Variants in APBA2 observed in about 807,000 individuals in gnomAD.
APBA2 encodes amyloid beta precursor protein binding family A member 2.
A neutral mutation model predicts 75.0 loss-of-function variants in APBA2; 30 were observed. That is an observed-to-expected ratio of 0.40 (90% CI 0.30 to 0.54). The LOEUF (loss-of-function observed/expected upper bound fraction) is 0.54. Among genes scored for constraint, APBA2 ranks in the 20% least tolerant of loss-of-function variants. APBA2 has a pLI of 0.49. For synonymous variants in APBA2, 444 were observed against 409.6 expected (o/e 1.08, Z -1.01); for missense variants, 801 against 1,016.1 (o/e 0.79, Z 2.88).
chr15:28,985,423 G>A (rs1482069682), intron 2 of APBA2, among the ~76,000 whole-genome samples: 1 of 152,208 alleles, frequency 6.6e-6, no homozygotes, highest in Non-Finnish European at 1.5e-5. Context: ...CGAGGTCAGA[G>A]AGCACTGAAA....
At chr15:29,033,964 CAAA>C (rs34808408) in intron 3 of APBA2, among the ~76,000 whole-genome samples, 5 of 39,554 alleles carry the variant, frequency 1.3e-4, no homozygotes, top group Admixed American at 3.1e-4. Flanking sequence ...GACTCCATCT[CAAA>C]AAAAAAAAAA....
At chr15:29,105,874 G>GA (rs1567020173) in intron 11 of APBA2, among the ~76,000 whole-genome samples, 1 of 152,182 alleles carries the variant, frequency 6.6e-6, no homozygotes, top group Non-Finnish European at 1.5e-5. Context: ...TCTCTAAAGG[G>GA]AGCCTGGGGG....
intron 2 of APBA2, among the ~76,000 whole-genome samples, chr15:28,929,115 A>G (rs988147273): frequency 7.2e-5 from 11 of 152,110 alleles, no homozygotes; most frequent in African/African-American, 2.4e-4. Context: ...TTGGAGCGGA[A>G]ACTCCAATCC....
At chr15:29,110,828 C>G (rs2044688044) in intron 13 of APBA2, among the ~76,000 whole-genome samples, 1 of 152,188 alleles carries the variant, frequency 6.6e-6, no homozygotes, top group South Asian at 2.1e-4. Flanking sequence ...GGGTTCTGTG[C>G]CTTTCTTCCC....
At chr15:29,080,393 A>T (rs568972723) in intron 6 of APBA2, among the ~76,000 whole-genome samples, 1 of 152,220 alleles carries the variant, frequency 6.6e-6, no homozygotes, top group South Asian at 2.1e-4. Flanking sequence ...GGTGCCAGAG[A>T]GTTCAGTGGA....
chr15:28,945,232 G>A (rs980869881), intron 2 of APBA2, among the ~76,000 whole-genome samples: 1 of 152,096 alleles, frequency 6.6e-6, no homozygotes, highest in South Asian at 2.1e-4. Flanking sequence ...GTATTCAGCC[G>A]ACCATTAAAA....
intron 3 of APBA2, among the ~76,000 whole-genome samples, chr15:29,007,860 C>A (rs1187535588): frequency 6.6e-6 from 1 of 152,038 alleles, no homozygotes; most frequent in Non-Finnish European, 1.5e-5. Context: ...GGAATCTAGG[C>A]GTGGTTTCAC....
At chr15:29,060,414 G>T (rs1047663708) in intron 4 of APBA2, among the ~76,000 whole-genome samples, 6 of 152,188 alleles carry the variant, frequency 3.9e-5, no homozygotes, top group Non-Finnish European at 7.3e-5. Flanking sequence ...GCATAACACA[G>T]CCCTTGAAGA....
intron 3 of APBA2, among the ~76,000 whole-genome samples, chr15:29,023,245 T>C (rs2040040149): frequency 6.6e-6 from 1 of 152,158 alleles, no homozygotes; most frequent in African/African-American, 2.4e-5. Flanking sequence ...GTGACAGTGA[T>C]AGCAGCCTTC....
At chr15:28,942,872 C>T (rs2035314048) in intron 2 of APBA2, among the ~76,000 whole-genome samples, 1 of 152,206 alleles carries the variant, frequency 6.6e-6, no homozygotes, top group African/African-American at 2.4e-5. Context: ...CCTGCGTTGT[C>T]CCCGAGGCCC....
chr15:28,919,801 T>C (rs2033874549), intron 1 of APBA2, among the ~76,000 whole-genome samples: 1 of 152,198 alleles, frequency 6.6e-6, no homozygotes, highest in South Asian at 2.1e-4. Context: ...CATATTGATG[T>C]GATAACCCCC....
chr15:28,952,227 A>G (rs2035927693), intron 2 of APBA2, among the ~76,000 whole-genome samples: 2 of 152,258 alleles, frequency 1.3e-5, no homozygotes, highest in South Asian at 2.1e-4. Flanking sequence ...AAGACTTGGA[A>G]GGCTTAAAGA....
At chr15:28,983,787 C>T (rs777330679) in intron 2 of APBA2, among the ~76,000 whole-genome samples, 7 of 152,166 alleles carry the variant, frequency 4.6e-5, no homozygotes, top group Non-Finnish European at 7.3e-5. Flanking sequence ...TGCCTTCTCC[C>T]GAGAAACCCA....
chr15:29,074,839 T>C, intron 4 of APBA2, 82 bp from the exon 5 acceptor site: 1 of 1,299,316 alleles, frequency 7.7e-7, no homozygotes, highest in Non-Finnish European at 1.1e-6. Context: ...TTTACAAAAT[T>C]GTATCACATT....
chr15:29,101,624 G>C lies in APBA2; in HGVS notation c.1364G>C (p.Arg455Pro). The C allele has an allele frequency of 6.2e-7, 1 of 1,613,536 alleles. No homozygotes were observed. Among genetic ancestry groups the C allele is most frequent in the East Asian group, 2.2e-5 (1 of 44,870 alleles). Reference protein sequence around the residue: ...TQETMMDHALRTISYIADIGN... With the variant: ...TQETMMDHALPTISYIADIGN... ...GAAACCATGATGGACCACGCCTTGCGTACCATCTCCTACATCGCCGACATT... is the reference window on the plus strand; with the variant it reads ...GAAACCATGATGGACCACGCCTTGCCTACCATCTCCTACATCGCCGACATT... The change falls in exon 10 of 15, where the codon CGT becomes CCT. Residue 455 changes from arginine (R) to proline (P), a missense_variant. Around this residue, in one of 2 missense-constraint regions of APBA2, gnomAD observed 367 missense variants for 544.5 expected, o/e 0.67. Transcript: ENST00000683413.
At chr15:28,976,642 T>C (rs1453151510) in intron 2 of APBA2, among the ~76,000 whole-genome samples, 2 of 152,252 alleles carry the variant, frequency 1.3e-5, no homozygotes, top group Non-Finnish European at 2.9e-5. Flanking sequence ...TTTTCTAATA[T>C]TACACCAAGT....
intron 2 of APBA2, among the ~76,000 whole-genome samples, chr15:28,950,481 G>A (rs1041419077): frequency 2.0e-5 from 3 of 152,048 alleles, no homozygotes; most frequent in Non-Finnish European, 4.4e-5. Flanking sequence ...CAAAAAATTA[G>A]CCAGGCGTGG....
rs1555399868 is a variant in APBA2 at position 29,045,069 on chromosome 15, T to TTCTCTCTCTCTC, written c.-40-8753_-40-8742dup. On this transcript the variant is annotated intron_variant, in intron 3 of 14. Coordinates refer to ENST00000683413, the MANE Select transcript of APBA2 (RefSeq NM_001353788.2). ...CCTTCCTCTCTCCCTCCCTCCCTCCTTCTCTCTCTCTCTCTCTCTCTCTCT... is the reference window on the plus strand; with the variant it reads ...CCTTCCTCTCTCCCTCCCTCCCTCCTTCTCTCTCTCTCTCTCTCTCTCTCTCTCTCTCTCTCT... Among the ~76,000 whole-genome samples the TTCTCTCTCTCTC allele has an allele frequency of 0.013, 1,118 of 82,820 alleles. 89 individuals are homozygous for TTCTCTCTCTCTC. The East Asian group carries it at 0.19, about 14-fold the overall frequency. The allele number at this position is 82,820 out of a possible 152,430, so 54.3% of individuals were successfully genotyped here.
At chr15:29,065,895 G>A (rs1342212120) in intron 4 of APBA2, among the ~76,000 whole-genome samples, 1 of 152,192 alleles carries the variant, frequency 6.6e-6, no homozygotes, top group Non-Finnish European at 1.5e-5. Context: ...GTCTGCTGTG[G>A]GTGCAGCCAG....
Sources: gnomAD v4.1 joint callset for allele counts (sites outside exome capture counted in the v4.1 genomes callset) on GRCh38, gnomAD v4.1.1 for gene constraint, gnomAD v4.1.1 regional missense constraint, MANE v1.5 for transcripts, NCBI Gene and HGNC (gene_info 2026-07-23, HGNC 2026-07-21) for gene names.